SH3RF3: variants seen among roughly 807,000 people sequenced by gnomAD.
The protein encoded by SH3RF3 is SH3 domain containing ring finger 3, also known as E3 ubiquitin-protein ligase SH3RF3.
SH3RF3 carries 29 observed loss-of-function variants against 66.3 expected under a neutral mutation model. The observed-to-expected ratio is 0.44, with a 90% CI of 0.33 to 0.60. SH3RF3 has a LOEUF of 0.60. Ranked by LOEUF, SH3RF3 falls within the 20% of genes least tolerant of loss-of-function variation. The probability of loss-of-function intolerance (pLI) is 0.04; values close to 1 mark genes in which losing one functional copy is unlikely to be tolerated. For missense variants in SH3RF3, 1,194 were observed against 1,190.9 expected (o/e 1.00, Z -0.04); for synonymous variants, 583 against 532.0 (o/e 1.10, Z -1.32).
intron 1 of SH3RF3, among the ~76,000 whole-genome samples, chr2:109,139,899 C>T (rs553371177): frequency 4.2e-4 from 64 of 152,278 alleles, no homozygotes; most frequent in Middle Eastern, 3.4e-3. Context: ...CAAAAGGCAG[C>T]GCCACTGGGG....
intron 1 of SH3RF3, among the ~76,000 whole-genome samples, chr2:109,180,121 T>C (rs1678042037): frequency 6.6e-6 from 1 of 151,882 alleles, no homozygotes; most frequent in African/African-American, 2.4e-5. Context: ...AGGAGAAGTT[T>C]TTTTTTTTTT....
chr2:109,291,215 AT>A (rs556213929), intron 1 of SH3RF3, among the ~76,000 whole-genome samples: 150 of 152,114 alleles, frequency 9.9e-4, no homozygotes, highest in African/African-American at 3.4e-3. Context: ...CTGTCAGGAT[AT>A]TATGGAGAAA....
intron 1 of SH3RF3, among the ~76,000 whole-genome samples, chr2:109,331,341 C>A (rs1682280486): frequency 6.6e-6 from 1 of 152,144 alleles, no homozygotes; most frequent in Non-Finnish European, 1.5e-5. Context: ...GCCACCTGGC[C>A]TGTTTTCCTG....
At chr2:109,448,764 G>A (rs551171664) in intron 7 of SH3RF3, among the ~76,000 whole-genome samples, 2 of 152,250 alleles carry the variant, frequency 1.3e-5, no homozygotes, top group Admixed American at 1.3e-4. Flanking sequence ...GAATCATCCC[G>A]AAACCATCCC....
chr2:109,148,191 C>T (rs1385806955), intron 1 of SH3RF3, among the ~76,000 whole-genome samples: 1 of 152,236 alleles, frequency 6.6e-6, no homozygotes, highest in Non-Finnish European at 1.5e-5. Context: ...CTGGCTCTCC[C>T]ACCTGCCTGC....
At chr2:109,193,608 C>A (rs575669653) in intron 1 of SH3RF3, among the ~76,000 whole-genome samples, 277 of 152,212 alleles carry the variant, frequency 1.8e-3, no homozygotes, top group African/African-American at 5.8e-3. Context: ...GCATAGTATT[C>A]TGTTGTATGG....
At chr2:109,441,132 CAA>C (rs55649222) in intron 7 of SH3RF3, among the ~76,000 whole-genome samples, 2 of 134,028 alleles carry the variant, frequency 1.5e-5, no homozygotes, top group Non-Finnish European at 1.6e-5. Flanking sequence ...TATAGGAATA[CAA>C]AAAAAAAAAA....
At chr2:109,365,320 C>T (rs73955557) in intron 2 of SH3RF3, among the ~76,000 whole-genome samples, 1,766 of 152,306 alleles carry the variant, frequency 0.012, 34 homozygotes, top group African/African-American at 0.04. Flanking sequence ...TCAGGCTGTC[C>T]ACACTGAACC....
intron 1 of SH3RF3, among the ~76,000 whole-genome samples, chr2:109,339,701 A>G (rs1404525967): frequency 6.6e-6 from 1 of 152,132 alleles, no homozygotes; most frequent in Non-Finnish European, 1.5e-5. Flanking sequence ...GTACTCCTCT[A>G]AGTACCCATT....
At chr2:109,372,299 C>T (rs1028267221) in intron 3 of SH3RF3, among the ~76,000 whole-genome samples, 3 of 152,186 alleles carry the variant, frequency 2.0e-5, no homozygotes, top group Non-Finnish European at 4.4e-5. Context: ...AGCATCTTAA[C>T]ACGTGTGTCT....
chr2:109,239,361 G>T (rs11688327), intron 1 of SH3RF3, among the ~76,000 whole-genome samples: 45,422 of 152,054 alleles, frequency 0.3, 7,669 homozygotes, highest in Non-Finnish European at 0.39. Context: ...CATTTCCAAA[G>T]TAGTCATTTC....
intron 1 of SH3RF3, among the ~76,000 whole-genome samples, chr2:109,136,001 A>G (rs948062159): frequency 2.0e-5 from 3 of 152,188 alleles, no homozygotes; most frequent in African/African-American, 7.2e-5. Flanking sequence ...TCCGTAGGAC[A>G]CAATAGCTTG....
intron 1 of SH3RF3, among the ~76,000 whole-genome samples, chr2:109,155,139 A>G (rs904675671): frequency 2.0e-5 from 3 of 152,204 alleles, no homozygotes; most frequent in African/African-American, 7.2e-5. Context: ...ACAACTTGCT[A>G]TGCTGATGTT....
At chr2:109,201,422 A>G (rs1678672683) in intron 1 of SH3RF3, among the ~76,000 whole-genome samples, 2 of 152,216 alleles carry the variant, frequency 1.3e-5, no homozygotes, top group Admixed American at 1.3e-4. Flanking sequence ...GTCTCCAGGC[A>G]CACATCCAGG....
chr2:109,459,563 C>G (rs1348725378), intron 8 of SH3RF3, among the ~76,000 whole-genome samples: 2 of 152,172 alleles, frequency 1.3e-5, no homozygotes, highest in Non-Finnish European at 2.9e-5. Context: ...TCCTGTATCC[C>G]AGACATGCTC....
chr2:109,201,477 A>C (rs1470593454), intron 1 of SH3RF3, among the ~76,000 whole-genome samples: 1 of 150,916 alleles, frequency 6.6e-6, no homozygotes, highest in African/African-American at 2.4e-5. Flanking sequence ...TCTCTCTCTT[A>C]TCTCTCTCTC....
intron 4 of SH3RF3, 130 bp from the exon 5 acceptor site, chr2:109,419,409 C>A: frequency 1.1e-6 from 1 of 922,568 alleles, no homozygotes; most frequent in Middle Eastern, 2.2e-4. Flanking sequence ...AGGCACAGCA[C>A]GTTGGAGGCC....
chr2:109,164,094 A>G (rs6542799), intron 1 of SH3RF3, among the ~76,000 whole-genome samples: 124,554 of 152,120 alleles, frequency 0.82, 51,145 homozygotes, highest in East Asian at 0.89. Context: ...GGGATGGAGG[A>G]GGCCTACTCT....
At chr2:109,495,897 G>C (rs556515853) in intron 9 of SH3RF3, among the ~76,000 whole-genome samples, 20 of 149,990 alleles carry the variant, frequency 1.3e-4, no homozygotes, top group South Asian at 2.1e-4. Context: ...ACCAGAAAAA[G>C]TATGAGTGCA....
Sources: gnomAD v4.1 joint callset for allele counts (sites outside exome capture counted in the v4.1 genomes callset) on GRCh38, gnomAD v4.1.1 for gene constraint, MANE v1.5 for transcripts, NCBI Gene and HGNC (gene_info 2026-07-23, HGNC 2026-07-21) for gene names.